ADAMTS19: variants seen among roughly 807,000 people sequenced by gnomAD.
ADAMTS19 encodes A disintegrin and metalloproteinase with thrombospondin motifs 19.
Under a neutral mutation model 153.3 loss-of-function variants are expected in ADAMTS19, and 93 were observed. The observed-to-expected ratio is 0.61, with a 90% CI of 0.51 to 0.72. The LOEUF (loss-of-function observed/expected upper bound fraction) is 0.72, where lower values mean the gene tolerates loss of function less well. Ranked by LOEUF, ADAMTS19 falls within the 30% of genes least tolerant of loss-of-function variation. The pLI is 0.00. For synonymous variants in ADAMTS19, 600 were observed against 556.6 expected, an observed-to-expected ratio of 1.08 and a Z score of -1.10; for missense variants, 1,482 against 1,552.1, an observed-to-expected ratio of 0.95 and a Z score of 0.76.
At chr5:129,658,759 A>T in intron 15 of ADAMTS19, 22 bp downstream of exon 15, 1 of 1,594,192 alleles carries the variant, frequency 6.3e-7, no homozygotes, top group Non-Finnish European at 8.5e-7. Flanking sequence ...TTATTTTTTC[A>T]TAAATATTAA....
In ADAMTS19 at chr5:129,580,076, T is replaced by G. The variant is rs191057935; in HGVS notation, c.1373-16483T>G. Among the ~76,000 whole-genome samples, 102 of 152,318 alleles carry G rather than the reference T, an allele frequency of 6.7e-4. No homozygotes were observed. The East Asian group carries it at 0.017, about 25-fold the overall frequency. ...ATTCTTCCTATCCATGAGCATGGAATGTTTTTCCATTTGTTTGTGTCCTCT... is the reference window on the plus strand; with the variant it reads ...ATTCTTCCTATCCATGAGCATGGAAGGTTTTTCCATTTGTTTGTGTCCTCT... On this transcript the variant is annotated intron_variant, in intron 7 of 22. Coordinates refer to ENST00000274487, the MANE Select transcript of ADAMTS19 (RefSeq NM_133638.6).
At chr5:129,642,422 G>A (rs1355897268) in intron 11 of ADAMTS19, among the ~76,000 whole-genome samples, 2 of 152,078 alleles carry the variant, frequency 1.3e-5, no homozygotes, top group African/African-American at 4.8e-5. Context: ...TTGGAGATTA[G>A]TAAATATTTG....
intron 7 of ADAMTS19, among the ~76,000 whole-genome samples, chr5:129,555,435 AG>A (rs1753280954): frequency 6.6e-6 from 1 of 152,178 alleles, no homozygotes; most frequent in African/African-American, 2.4e-5. Flanking sequence ...ATTATTTTAC[AG>A]ATGAAGAAAG....
At chr5:129,504,619 T>C (rs1329646292) in intron 2 of ADAMTS19, among the ~76,000 whole-genome samples, 1 of 152,124 alleles carries the variant, frequency 6.6e-6, no homozygotes, top group Non-Finnish European at 1.5e-5. Context: ...ATTCCTCTTG[T>C]CTAACTGAAA....
At chr5:129,568,363 G>T (rs1187779038) in intron 7 of ADAMTS19, among the ~76,000 whole-genome samples, 1 of 11,260 alleles carries the variant, frequency 8.9e-5, no homozygotes, top group East Asian at 1.6e-3. Flanking sequence ...AGTAATACAT[G>T]GGGGGGGATA....
intron 21 of ADAMTS19, among the ~76,000 whole-genome samples, chr5:129,726,486 T>G (rs1280121339): frequency 6.6e-6 from 1 of 151,996 alleles, no homozygotes; most frequent in African/African-American, 2.4e-5. Context: ...GATACACATG[T>G]GAAGAGCGAG....
intron 2 of ADAMTS19, among the ~76,000 whole-genome samples, chr5:129,471,907 T>C (rs1375601225): frequency 1.3e-5 from 2 of 152,228 alleles, no homozygotes; most frequent in African/African-American, 2.4e-5. Flanking sequence ...GGCTGCACAG[T>C]GTTCTATAGT....
intron 3 of ADAMTS19, among the ~76,000 whole-genome samples, chr5:129,518,850 A>G (rs1034110591): frequency 3.3e-5 from 5 of 151,868 alleles, no homozygotes; most frequent in Non-Finnish European, 5.9e-5. Context: ...AATTTTCTAG[A>G]TCCTGTAGGT....
chr5:129,571,372 A>T (rs560720478), intron 7 of ADAMTS19, among the ~76,000 whole-genome samples: 1 of 151,698 alleles, frequency 6.6e-6, no homozygotes, highest in South Asian at 2.1e-4. Flanking sequence ...ATGTATAAAC[A>T]TTAGGACATG....
chr5:129,684,015 C>A, intron 17 of ADAMTS19, 105 bp from the exon 18 acceptor site: 2 of 1,259,566 alleles, frequency 1.6e-6, no homozygotes, highest in Non-Finnish European at 2.2e-6. Flanking sequence ...ACAAAATGCA[C>A]ACAACACAAT....
At chr5:129,466,887 A>G (rs1274991654) in intron 2 of ADAMTS19, among the ~76,000 whole-genome samples, 1 of 152,238 alleles carries the variant, frequency 6.6e-6, no homozygotes, top group Non-Finnish European at 1.5e-5. Context: ...ACAGGTTTCC[A>G]TATTTGGAAT....
At chr5:129,498,600 G>A (rs1750999759) in intron 2 of ADAMTS19, among the ~76,000 whole-genome samples, 2 of 151,962 alleles carry the variant, frequency 1.3e-5, no homozygotes. Flanking sequence ...TGAACATAAA[G>A]TACATTTGTT....
intron 2 of ADAMTS19, among the ~76,000 whole-genome samples, chr5:129,468,223 A>G (rs888962728): frequency 6.6e-6 from 1 of 152,226 alleles, no homozygotes; most frequent in African/African-American, 2.4e-5. Context: ...ATTGTACCCC[A>G]TAGAGATGGT....
At chr5:129,462,617 G>GT (rs547477117) in intron 2 of ADAMTS19, among the ~76,000 whole-genome samples, 22 of 146,030 alleles carry the variant, frequency 1.5e-4, no homozygotes, top group Admixed American at 7.8e-4. Flanking sequence ...GTGTGTGTGT[G>GT]GGGGGGTCAA....
intron 6 of ADAMTS19, among the ~76,000 whole-genome samples, chr5:129,546,153 G>A (rs1258627821): frequency 8.1e-5 from 12 of 147,478 alleles, no homozygotes; most frequent in South Asian, 2.1e-4. Flanking sequence ...ACCAAACACC[G>A]CATATTCTCA....
chr5:129,641,807 T>G (rs369399877), intron 10 of ADAMTS19, 52 bp from the exon 11 acceptor site: 15 of 1,240,350 alleles, frequency 1.2e-5, no homozygotes, highest in Non-Finnish European at 1.5e-5. Context: ...TTGGCTTCAC[T>G]TAAAAAAATG....
chr5:129,496,521 T>A lies in ADAMTS19; in HGVS notation c.748-12556T>A, dbSNP rs148519190. Among the ~76,000 whole-genome samples the A allele has an allele frequency of 5.9e-3, 897 of 152,188 alleles. 4 individuals carry two copies. Among genetic ancestry groups the A allele is most frequent in the Middle Eastern group, 0.014 (4 of 294 alleles). ...AGTAGTTTGCTCCACTAATCTTGTT[T>A]CCATGGTAAAATGAATTTGCATCTA... On this transcript the variant is annotated intron_variant, in intron 2 of 22. Coordinates refer to ENST00000274487, the MANE Select transcript of ADAMTS19 (RefSeq NM_133638.6).
At chr5:129,658,070 A>G (rs1302615105) in intron 14 of ADAMTS19, among the ~76,000 whole-genome samples, 1 of 152,112 alleles carries the variant, frequency 6.6e-6, no homozygotes, top group Non-Finnish European at 1.5e-5. Context: ...AGATTACTTG[A>G]GCTCAGGAGT....
rs201672438 is a variant in ADAMTS19 at position 129,577,950 on chromosome 5, TC to T, written c.1373-18608del. 7.1e-3 allele frequency among the ~76,000 whole-genome samples: 1,079 copies of T among 151,502 alleles called. 12 individuals carry two copies. Among genetic ancestry groups the T allele is most frequent in the African/African-American group, 0.025 (1,023 of 41,326 alleles). ...TTATTTTATAATTCATTGATTTTCC[TC>T]TTTTTTACTTCCTTTTATTTTTTTA... On this transcript the variant is annotated intron_variant, in intron 7 of 22. Coordinates refer to ENST00000274487, the MANE Select transcript of ADAMTS19 (RefSeq NM_133638.6).
Sources: gnomAD v4.1 joint callset for allele counts (sites outside exome capture counted in the v4.1 genomes callset) on GRCh38, gnomAD v4.1.1 for gene constraint, MANE v1.5 for transcripts, NCBI Gene and HGNC (gene_info 2026-07-23, HGNC 2026-07-21) for gene names.